The following ME3 variants were observed in gnomAD, a reference collection of about 807,000 sequenced individuals.
ME3 encodes the protein malic enzyme 3.
In ME3, 48 loss-of-function variants were observed where a neutral mutation model predicts 68.9. That is an observed-to-expected ratio of 0.70 (90% confidence interval 0.55 to 0.89). ME3 has a LOEUF of 0.89. ME3 is among the 40% of genes least tolerant of loss of function. The probability of loss-of-function intolerance (pLI) is 0.00; values close to 1 mark genes in which losing one functional copy is unlikely to be tolerated. For missense variants in ME3, 675 were observed against 797.4 expected (o/e 0.85, Z 1.85); for synonymous variants, 320 against 318.8 (o/e 1.00, Z -0.04).
intron 2 of ME3, among the ~76,000 whole-genome samples, chr11:86,656,807 A>G (rs992915636): frequency 2.0e-5 from 3 of 152,100 alleles, no homozygotes; most frequent in Non-Finnish European, 2.9e-5. Context: ...GGTAAAGGAT[A>G]TGAACAGACA....
At chr11:86,671,067 G>A (rs555013379) in intron 2 of ME3, among the ~76,000 whole-genome samples, 12 of 152,312 alleles carry the variant, frequency 7.9e-5, no homozygotes, top group African/African-American at 2.9e-4. Context: ...AAGAGCTAGC[G>A]GTGGGTTGAA....
chr11:86,652,195 C>G (rs970454626), intron 2 of ME3, among the ~76,000 whole-genome samples: 1 of 152,114 alleles, frequency 6.6e-6, no homozygotes, highest in Non-Finnish European at 1.5e-5. Flanking sequence ...GGAGAACTTC[C>G]CCAATCTAGC....
chr11:86,559,767 C>T (rs538087697), exon 3 of ME3: 33 of 1,613,868 alleles, frequency 2.0e-5, no homozygotes, highest in South Asian at 6.6e-5. Context: ...GAAAGCAGGG[C>T]GGGATTAGGC....
intron 2 of ME3, among the ~76,000 whole-genome samples, chr11:86,599,062 A>G (rs1960114265): frequency 6.6e-6 from 1 of 152,270 alleles, no homozygotes; most frequent in Non-Finnish European, 1.5e-5. Context: ...CTCCAAAGGA[A>G]CGCAGTTCCT....
intron 2 of ME3, among the ~76,000 whole-genome samples, chr11:86,575,687 C>T (rs1311580522): frequency 6.6e-6 from 1 of 152,208 alleles, no homozygotes; most frequent in African/African-American, 2.4e-5. Flanking sequence ...GCTTCATGCA[C>T]GCCTCTACCA....
intron 2 of ME3, chr11:86,668,288 CTTT>C (rs138171974): frequency 2.0e-5 from 3 of 152,178 alleles, no homozygotes; most frequent in South Asian, 2.1e-4. Context: ...TTTTCAAAAA[CTTT>C]TTGTTACTAC....
At position 86,593,708 on chromosome 11, in the gene ME3, A is replaced by T. The variant is rs1343700329; in HGVS notation, c.184-33885T>A. Among the ~76,000 whole-genome samples, 3 of 146,780 alleles carry T rather than the reference A, an allele frequency of 2.0e-5. 1 individual carries two copies. The highest frequency in any genetic ancestry group is 7.5e-5 in the African/African-American group (3 of 39,856). The stretch of plus-strand genomic sequence containing the variant: ...TCTTCCTATCTTTTTTCTATGCTTA[A>T]AAAAATTTTATTTAAACAAACTTGA... On this transcript the variant is annotated intron_variant, in intron 2 of 14. Transcript: ENST00000543262.
At chr11:86,540,468 T>C (rs1174400769) in intron 4 of ME3, among the ~76,000 whole-genome samples, 1 of 152,074 alleles carries the variant, frequency 6.6e-6, no homozygotes, top group Non-Finnish European at 1.5e-5. Flanking sequence ...TGGATAGGGG[T>C]TTGGTATGAC....
chr11:86,542,125 G>A (rs1410032705), intron 4 of ME3, among the ~76,000 whole-genome samples: 2 of 152,106 alleles, frequency 1.3e-5, no homozygotes, highest in Non-Finnish European at 2.9e-5. Context: ...CAAAAAGGAC[G>A]TCCACACAGA....
intron 2 of ME3, among the ~76,000 whole-genome samples, chr11:86,633,701 A>G (rs1944157128): frequency 6.6e-6 from 1 of 152,222 alleles, no homozygotes; most frequent in South Asian, 2.1e-4. Context: ...CCAGAGGGCA[A>G]CAGAGGACCG....
At chr11:86,507,166 C>A (rs1309983103) in intron 5 of ME3, among the ~76,000 whole-genome samples, 1 of 152,064 alleles carries the variant, frequency 6.6e-6, no homozygotes, top group African/African-American at 2.4e-5. Context: ...GGGAGGTAGA[C>A]AGAAAGAAGC....
chr11:86,439,600 C>T (rs2138567753), downstream of ME3, among the ~76,000 whole-genome samples: 1 of 152,318 alleles, frequency 6.6e-6, no homozygotes, highest in South Asian at 2.1e-4. Context: ...TGGATAGTAT[C>T]AGCACAGGCT....
chr11:86,444,509 A>G (rs1274238639), intron 13 of ME3, among the ~76,000 whole-genome samples: 2 of 152,178 alleles, frequency 1.3e-5, no homozygotes, highest in African/African-American at 4.8e-5. Flanking sequence ...GATAAGAGAG[A>G]AGCAAGATTT....
chr11:86,502,081 C>T (rs1306618628), intron 5 of ME3, among the ~76,000 whole-genome samples: 1 of 152,192 alleles, frequency 6.6e-6, no homozygotes, highest in Admixed American at 6.5e-5. Flanking sequence ...TTGAATTTCC[C>T]CTTTATTCTT....
chr11:86,445,863 C>T (rs1371809004), intron 13 of ME3, among the ~76,000 whole-genome samples: 2 of 152,092 alleles, frequency 1.3e-5, no homozygotes, highest in East Asian at 1.9e-4. Context: ...TGACACCCAC[C>T]CCCTCCCTTA....
chr11:86,563,070 T>C (rs1018130313), intron 2 of ME3, among the ~76,000 whole-genome samples: 1 of 152,152 alleles, frequency 6.6e-6, no homozygotes, highest in African/African-American at 2.4e-5. Context: ...CACTCTATCA[T>C]TGATGGGCAC....
intron 2 of ME3, chr11:86,668,166 C>T (rs1464111392): frequency 6.6e-6 from 1 of 152,074 alleles, no homozygotes; most frequent in East Asian, 1.9e-4. Context: ...ATACAGCAGG[C>T]AGGCTGCCTC....
chr11:86,534,269 A>G (rs1357371402), intron 4 of ME3, among the ~76,000 whole-genome samples: 1 of 152,128 alleles, frequency 6.6e-6, no homozygotes, highest in Non-Finnish European at 1.5e-5. Context: ...AGGCTACACT[A>G]AATTTTTTTC....
chr11:86,588,224 G>T (rs2139650169), intron 2 of ME3, among the ~76,000 whole-genome samples: 1 of 152,326 alleles, frequency 6.6e-6, no homozygotes, highest in Admixed American at 6.5e-5. Flanking sequence ...GTATCATAGT[G>T]TAGAAAGCCT....
Sources: gnomAD v4.1 joint callset for allele counts (sites outside exome capture counted in the v4.1 genomes callset) on GRCh38, gnomAD v4.1.1 for gene constraint, MANE v1.5 for transcripts, NCBI Gene and HGNC (gene_info 2026-07-23, HGNC 2026-07-21) for gene names.